VPS8: variants seen among roughly 807,000 people sequenced by gnomAD.
VPS8 encodes the protein VPS8 subunit of CORVET complex, also known as vacuolar protein sorting-associated protein 8 homolog.
Under a neutral mutation model 216.4 loss-of-function variants are expected in VPS8, and 129 were observed. The ratio of observed to expected loss-of-function variants is 0.60; its 90% confidence interval spans 0.52 to 0.69. The LOEUF (loss-of-function observed/expected upper bound fraction) is 0.69, where lower values mean the gene tolerates loss of function less well. Among genes scored for constraint, VPS8 ranks in the 30% least tolerant of loss-of-function variants. The pLI, the probability that VPS8 is intolerant of heterozygous loss-of-function variation, is 0.00. For missense variants in VPS8, 1,531 were observed against 1,683.5 expected, an observed-to-expected ratio of 0.91 and a Z score of 1.59; for synonymous variants, 571 against 565.4, an observed-to-expected ratio of 1.01 and a Z score of -0.14.
At chr3:184,878,988 A>G (rs1338103564) in intron 21 of VPS8, among the ~76,000 whole-genome samples, 3 of 152,194 alleles carry the variant, frequency 2.0e-5, no homozygotes, top group Non-Finnish European at 2.9e-5. Context: ...CACACAGTCA[A>G]GTTTTCCTTA....
chr3:184,920,231 G>T, intron 29 of VPS8, 33 bp downstream of exon 29: 1 of 1,333,062 alleles, frequency 7.5e-7, no homozygotes, highest in South Asian at 1.5e-5. Context: ...TCTTTATATT[G>T]ATATTTATAT....
chr3:184,933,756 A>G (rs915756708), intron 34 of VPS8, among the ~76,000 whole-genome samples: 3 of 152,168 alleles, frequency 2.0e-5, no homozygotes, highest in African/African-American at 4.8e-5. Context: ...TTGCTCAGCA[A>G]TGCTACCTTT....
intron 43 of VPS8, 38 bp from the exon 44 acceptor site, chr3:184,996,294 C>T: frequency 1.3e-6 from 2 of 1,565,142 alleles, no homozygotes; most frequent in Non-Finnish European, 1.7e-6. Flanking sequence ...CATCTTATAA[C>T]CTTTTGTTTG....
chr3:184,908,677 G>A (rs564880363), intron 25 of VPS8, among the ~76,000 whole-genome samples: 51 of 152,322 alleles, frequency 3.3e-4, no homozygotes, highest in Admixed American at 4.6e-4. Context: ...ACCCACACTC[G>A]GTGGGTCCCC....
At chr3:184,817,132 T>G (rs1021777420) in intron 1 of VPS8, 3 of 152,158 alleles carry the variant, frequency 2.0e-5, no homozygotes, top group Non-Finnish European at 4.4e-5. Context: ...ATGCAAAGAA[T>G]GGAACTTGCA....
intron 1 of VPS8, among the ~76,000 whole-genome samples, chr3:184,822,863 A>G (rs1430459793): frequency 6.6e-6 from 1 of 152,246 alleles, no homozygotes; most frequent in Admixed American, 6.5e-5. Context: ...CCAGGCAAAG[A>G]GTGGCCTCAG....
intron 1 of VPS8, among the ~76,000 whole-genome samples, chr3:184,823,361 T>C (rs1041011544): frequency 6.6e-6 from 1 of 152,222 alleles, no homozygotes; most frequent in African/African-American, 2.4e-5. Flanking sequence ...AGAAATTAAG[T>C]GGCTCAGTAA....
At chr3:184,926,791 C>T in intron 31 of VPS8, 141 bp downstream of exon 31, 1 of 773,100 alleles carries the variant, frequency 1.3e-6, no homozygotes, top group Non-Finnish European at 2.0e-6. Context: ...TCAGTGGGAA[C>T]CAGAAAATAG....
intron 45 of VPS8, among the ~76,000 whole-genome samples, chr3:185,008,933 A>C (rs1197896627): frequency 6.6e-6 from 1 of 152,266 alleles, no homozygotes; most frequent in African/African-American, 2.4e-5. Context: ...AAGGGAGAGT[A>C]ACATGAGGGA....
intron 46 of VPS8, among the ~76,000 whole-genome samples, chr3:185,030,894 T>G (rs1353305784): frequency 6.6e-6 from 1 of 151,904 alleles, no homozygotes; most frequent in Non-Finnish European, 1.5e-5. Context: ...TCCTGAGTAA[T>G]TGGGATTATA....
chr3:185,041,795 A>G (rs1472324953), intron 46 of VPS8, among the ~76,000 whole-genome samples: 1 of 152,212 alleles, frequency 6.6e-6, no homozygotes, highest in Non-Finnish European at 1.5e-5. Flanking sequence ...GATGGCTGAC[A>G]TTCTGTCACT....
intron 3 of VPS8, among the ~76,000 whole-genome samples, chr3:184,831,911 A>C (rs1478266066): frequency 1.3e-5 from 2 of 152,152 alleles, no homozygotes; most frequent in Non-Finnish European, 2.9e-5. Flanking sequence ...TTTTTAAAAC[A>C]TGGTTCCCAT....
intron 39 of VPS8, among the ~76,000 whole-genome samples, chr3:184,967,751 T>C (rs4308256): frequency 0.89 from 134,866 of 151,626 alleles, 61,346 homozygotes; most frequent in Non-Finnish European, 0.98. Context: ...GCAGGACAAT[T>C]GCTTGAACCT....
intron 46 of VPS8, among the ~76,000 whole-genome samples, chr3:185,038,266 GTTGT>G (rs763865286): frequency 2.0e-5 from 3 of 152,160 alleles, no homozygotes; most frequent in African/African-American, 4.8e-5. Flanking sequence ...TGGTTTTGTT[GTTGT>G]TTGTTTGTTT....
chr3:184,915,488 TTATTTTAAGGTG>T lies in VPS8; in HGVS notation c.2382+16_2382+27del. The T allele has an allele frequency of 6.2e-7, 1 of 1,611,716 alleles. No homozygotes were observed. Among genetic ancestry groups the T allele is most frequent in the South Asian group, 1.1e-5 (1 of 90,906 alleles). ...GTATTGGCACTGGTAAGAGACAGTA[TTATTTTAAGGTG>T]TTTTCAAAGAAGACAGAGCAATAAT... On this transcript the variant is annotated intron_variant, in intron 28 of 47. Coordinates refer to ENST00000625842, the MANE Select transcript of VPS8 (RefSeq NM_001009921.3).
At chr3:185,045,316 C>T (rs909321673) in intron 46 of VPS8, among the ~76,000 whole-genome samples, 3 of 152,134 alleles carry the variant, frequency 2.0e-5, no homozygotes, top group African/African-American at 7.2e-5. Context: ...ACGAACAAGC[C>T]GAGCTCAGGC....
chr3:184,928,200 A>G (rs894938659), intron 31 of VPS8, among the ~76,000 whole-genome samples: 3 of 152,208 alleles, frequency 2.0e-5, no homozygotes, highest in Non-Finnish European at 4.4e-5. Context: ...ATAGGGCTTT[A>G]TTTGTAAACA....
At chr3:184,993,106 G>GA (rs914082803) in intron 42 of VPS8, among the ~76,000 whole-genome samples, 6 of 148,976 alleles carry the variant, frequency 4.0e-5, no homozygotes, top group African/African-American at 9.9e-5. Context: ...CAAGAGTAGA[G>GA]AAAAAAAAAG....
intron 45 of VPS8, among the ~76,000 whole-genome samples, chr3:185,021,500 C>T (rs1447647752): frequency 2.6e-5 from 4 of 152,218 alleles, no homozygotes; most frequent in African/African-American, 9.6e-5. Flanking sequence ...TAAATATCTA[C>T]TTTGCTTTGA....
Sources: gnomAD v4.1 joint callset for allele counts (sites outside exome capture counted in the v4.1 genomes callset) on GRCh38, gnomAD v4.1.1 for gene constraint, MANE v1.5 for transcripts, NCBI Gene and HGNC (gene_info 2026-07-23, HGNC 2026-07-21) for gene names.